Variants in PCDH15 observed in about 807,000 individuals in gnomAD.
PCDH15 encodes protocadherin-15.
Under a neutral mutation model 178.5 loss-of-function variants are expected in PCDH15, and 129 were observed. That is an observed-to-expected ratio of 0.72 (90% CI 0.63 to 0.84). PCDH15 has a LOEUF of 0.84. PCDH15 is among the 40% of genes least tolerant of loss of function. PCDH15 has a pLI of 0.00. For missense variants in PCDH15, 2,230 were observed against 2,099.9 expected, an observed-to-expected ratio of 1.06 and a Z score of -1.21; for synonymous variants, 800 against 732.0, an observed-to-expected ratio of 1.09 and a Z score of -1.50.
In PCDH15 at chr10:54,957,453, T is replaced by C. The variant is rs1361525651; in HGVS notation, c.-79-59953A>G. 3.3e-5 allele frequency among the ~76,000 whole-genome samples: 5 copies of C among 151,658 alleles called. No individual in the cohort carries two copies. In the South Asian group the frequency reaches 1.0e-3, roughly 31 times the overall value. On this transcript the variant is annotated intron_variant, in intron 2 of 5. Coordinates refer to the PCDH15 transcript ENST00000458638. Reference sequence around the variant, plus strand: ...TGTGTGTGGTAGGATAAAAGGTTTTTTTCCTCCACTTTCAAACAGAACAGG... The same window carrying C: ...TGTGTGTGGTAGGATAAAAGGTTTTCTTCCTCCACTTTCAAACAGAACAGG...
intron 29 of PCDH15, among the ~76,000 whole-genome samples, chr10:53,837,353 A>G (rs1341795311): frequency 6.6e-6 from 1 of 152,196 alleles, no homozygotes; most frequent in African/African-American, 2.4e-5. Context: ...ATAAAATCTA[A>G]GCAATTCAGG....
At chr10:54,378,963 C>T in intron 3 of PCDH15, 21 bp from the exon 4 acceptor site, 2 of 1,613,030 alleles carry the variant, frequency 1.2e-6, no homozygotes, top group Non-Finnish European at 1.7e-6. Context: ...AAGAAAGGTA[C>T]TTGAAAACAT....
At chr10:54,900,764 A>T (rs1954625658) in intron 2 of PCDH15, among the ~76,000 whole-genome samples, 2 of 152,164 alleles carry the variant, frequency 1.3e-5, no homozygotes, top group African/African-American at 4.8e-5. Flanking sequence ...ATTAACCTTC[A>T]GCGACCCAGT....
intron 2 of PCDH15, among the ~76,000 whole-genome samples, chr10:55,034,421 C>G (rs999507316): frequency 4.6e-5 from 7 of 152,156 alleles, no homozygotes; most frequent in African/African-American, 1.4e-4. Flanking sequence ...AGAGCAGACT[C>G]AAGAACTTGA....
intron 2 of PCDH15, among the ~76,000 whole-genome samples, chr10:54,622,650 T>TA (rs2134468229): frequency 2.1e-5 from 2 of 95,968 alleles, no homozygotes; most frequent in African/African-American, 9.5e-5. Context: ...TAATTATATA[T>TA]ATACTATATA....
intron 3 of PCDH15, among the ~76,000 whole-genome samples, chr10:54,453,578 A>C (rs1479448019): frequency 6.6e-6 from 1 of 152,030 alleles, no homozygotes; most frequent in Non-Finnish European, 1.5e-5. Flanking sequence ...TGGGTGCAGC[A>C]CACCAACATG....
chr10:55,359,747 TACAC>T (rs57691062), intron 2 of PCDH15, among the ~76,000 whole-genome samples: 6,288 of 81,314 alleles, frequency 0.077, 188 homozygotes, highest in African/African-American at 0.093. Flanking sequence ...TATATATATA[TACAC>T]ACACACACAC....
chr10:54,493,303 C>T (rs1385939430), intron 3 of PCDH15, among the ~76,000 whole-genome samples: 1 of 149,578 alleles, frequency 6.7e-6, no homozygotes, highest in African/African-American at 2.4e-5. Context: ...ATTTTCATTT[C>T]TCTGGGGGTG....
intron 21 of PCDH15, among the ~76,000 whole-genome samples, chr10:53,965,876 T>G (rs2593134): frequency 0.71 from 107,085 of 151,512 alleles, 38,179 homozygotes; most frequent in East Asian, 0.87. Context: ...AAAATTTTTT[T>G]TTGCATATGG....
intron 2 of PCDH15, among the ~76,000 whole-genome samples, chr10:54,925,990 T>C (rs1837614142): frequency 6.6e-6 from 1 of 152,124 alleles, no homozygotes; most frequent in South Asian, 2.1e-4. Flanking sequence ...CTGTGTGTAA[T>C]AGGAGTAGTG....
chr10:54,556,428 G>C (rs1464306148), intron 2 of PCDH15, among the ~76,000 whole-genome samples: 1 of 152,078 alleles, frequency 6.6e-6, no homozygotes, highest in Non-Finnish European at 1.5e-5. Context: ...ATGTTGTCAA[G>C]ATGAGATAAT....
At chr10:55,582,596 GTATATATA>G (rs56817323) in intron 2 of PCDH15, among the ~76,000 whole-genome samples, 113 of 90,240 alleles carry the variant, frequency 1.3e-3, no homozygotes, top group Non-Finnish European at 1.4e-3. Flanking sequence ...ATGTGTATGT[GTATATATA>G]TATATATATA....
intron 2 of PCDH15, among the ~76,000 whole-genome samples, chr10:55,091,983 T>C (rs1842330357): frequency 6.6e-6 from 1 of 151,914 alleles, no homozygotes; most frequent in South Asian, 2.1e-4. Context: ...TAATTTGATA[T>C]TAAAATATGA....
intron 15 of PCDH15, among the ~76,000 whole-genome samples, chr10:54,105,960 A>G (rs1329123360): frequency 6.6e-6 from 1 of 152,248 alleles, no homozygotes; most frequent in African/African-American, 2.4e-5. Flanking sequence ...GAAATAAAAA[A>G]TAATGAAATA....
At chr10:54,755,169 T>C (rs1323974121) in intron 1 of PCDH15, among the ~76,000 whole-genome samples, 1 of 152,028 alleles carries the variant, frequency 6.6e-6, no homozygotes, top group Non-Finnish European at 1.5e-5. Context: ...TGACTTCAGG[T>C]GATGCACCTG....
intron 2 of PCDH15, among the ~76,000 whole-genome samples, chr10:54,960,424 T>C (rs966879260): frequency 6.6e-6 from 1 of 152,198 alleles, no homozygotes; most frequent in African/African-American, 2.4e-5. Context: ...TTCCCTTCAT[T>C]GAGGTGGGCA....
chr10:55,062,182 T>C (rs1841450171), intron 2 of PCDH15, among the ~76,000 whole-genome samples: 1 of 152,228 alleles, frequency 6.6e-6, no homozygotes, highest in African/African-American at 2.4e-5. Flanking sequence ...GATCAGGTCA[T>C]GAGTGGAGCT....
chr10:55,370,911 A>T (rs1409352516), intron 2 of PCDH15, among the ~76,000 whole-genome samples: 1 of 152,078 alleles, frequency 6.6e-6, no homozygotes, highest in East Asian at 1.9e-4. Context: ...TTGAAAGCAA[A>T]ATCAGGTCCT....
intron 2 of PCDH15, among the ~76,000 whole-genome samples, chr10:54,923,063 A>G (rs568737453): frequency 1.1e-5 from 1 of 88,454 alleles, no homozygotes; most frequent in South Asian, 3.2e-4. Context: ...AAATCTAGGA[A>G]GAGGCTCTCA....
Sources: gnomAD v4.1 joint callset for allele counts (sites outside exome capture counted in the v4.1 genomes callset) on GRCh38, gnomAD v4.1.1 for gene constraint, MANE v1.5 for transcripts, NCBI Gene and HGNC (gene_info 2026-07-23, HGNC 2026-07-21) for gene names.